CSGALNACT1: variants seen among roughly 807,000 people sequenced by gnomAD.
CSGALNACT1 encodes the protein chondroitin sulfate N-acetylgalactosaminyltransferase 1, also known as beta4GalNAcT-1.
Under a neutral mutation model 51.0 loss-of-function variants are expected in CSGALNACT1, and 52 were observed. That is an observed-to-expected ratio of 1.02 (90% CI 0.82 to 1.29). CSGALNACT1 has a LOEUF of 1.29. Among genes scored for constraint, CSGALNACT1 ranks in the 50% most tolerant of loss-of-function variants. CSGALNACT1 has a pLI of 0.00. For synonymous variants in CSGALNACT1, 341 were observed against 254.4 expected (o/e 1.34, Z -3.24); for missense variants, 935 against 679.2 (o/e 1.38, Z -4.19).
rs370739020 is a variant in CSGALNACT1, at chr8:19,651,247, T to C, written c.-544+31226A>G. ...GGGTAATAATACCTTTCCTGTTTTT[T>C]TTCATTTTCTATTTAATTTTCTCCA... On this transcript the variant is annotated intron_variant, in intron 1 of 9. Coordinates refer to the CSGALNACT1 transcript ENST00000332246. Among the ~76,000 whole-genome samples the C allele has an allele frequency of 1.4e-4, 22 of 152,284 alleles. 1 individual carries two copies. The highest frequency in any genetic ancestry group is 5.3e-4 in the African/African-American group (22 of 41,554).
chr8:19,583,428 T>C (rs1031632254), intron 3 of CSGALNACT1, among the ~76,000 whole-genome samples: 2 of 152,164 alleles, frequency 1.3e-5, no homozygotes, highest in Non-Finnish European at 2.9e-5. Flanking sequence ...TGGGAATGTC[T>C]TGAGAAGAAA....
chr8:19,495,413 A>T (rs1368217911), intron 4 of CSGALNACT1, among the ~76,000 whole-genome samples: 1 of 152,156 alleles, frequency 6.6e-6, no homozygotes, highest in Non-Finnish European at 1.5e-5. Context: ...TCTTTAACCC[A>T]TCGTATGCCT....
At chr8:19,589,480 C>T (rs1388936394) in intron 3 of CSGALNACT1, among the ~76,000 whole-genome samples, 3 of 152,130 alleles carry the variant, frequency 2.0e-5, no homozygotes, top group Admixed American at 2.0e-4. Context: ...AGTGCACCAC[C>T]ACATCTGGCT....
chr8:19,746,035 G>T (rs1200368518), intron 1 of CSGALNACT1, among the ~76,000 whole-genome samples: 1 of 152,112 alleles, frequency 6.6e-6, no homozygotes, highest in African/African-American at 2.4e-5. Context: ...TAATATCTGG[G>T]AGACCTGAGG....
intron 3 of CSGALNACT1, among the ~76,000 whole-genome samples, chr8:19,558,308 C>T (rs879845677): frequency 5.3e-5 from 8 of 152,130 alleles, no homozygotes; most frequent in Non-Finnish European, 1.0e-4. Flanking sequence ...GATTTGATTG[C>T]CAGTATCATG....
At chr8:19,656,472 C>T (rs2058282164) in intron 1 of CSGALNACT1, among the ~76,000 whole-genome samples, 1 of 151,910 alleles carries the variant, frequency 6.6e-6, no homozygotes, top group Non-Finnish European at 1.5e-5. Flanking sequence ...AACCCACCTT[C>T]GATCTTGACC....
chr8:19,534,609 A>G (rs2083398922), intron 3 of CSGALNACT1, among the ~76,000 whole-genome samples: 1 of 152,152 alleles, frequency 6.6e-6, no homozygotes, highest in Non-Finnish European at 1.5e-5. Flanking sequence ...GGGGCCAGGG[A>G]AAATTAAATG....
chr8:19,437,637 A>C (rs746329380), intron 6 of CSGALNACT1, among the ~76,000 whole-genome samples: 1 of 152,202 alleles, frequency 6.6e-6, no homozygotes, highest in Non-Finnish European at 1.5e-5. Flanking sequence ...TCCCTATGCA[A>C]CTAGTCAACC....
chr8:19,691,534 C>T (rs900274504), intron 1 of CSGALNACT1, among the ~76,000 whole-genome samples: 1 of 152,210 alleles, frequency 6.6e-6, no homozygotes, highest in Non-Finnish European at 1.5e-5. Context: ...AGGTGGTTAA[C>T]AGCCTGGCCC....
rs201999586 is a variant in CSGALNACT1, at chr8:19,504,612, A to C, written c.634+589T>G. ...ATGAGCCGTCATCTCACTAGTTTCC[A>C]TGTGCTCTGACAATCTGTATGATAT... is the stretch of plus-strand genomic sequence containing the variant. On this transcript the variant is annotated intron_variant, in intron 4 of 9. Transcript: ENST00000454498. Among the ~76,000 whole-genome samples the C allele has an allele frequency of 3.9e-5, 6 of 152,328 alleles. No individual in the cohort carries two copies. In the East Asian group the frequency reaches 9.6e-4, roughly 24 times the overall value.
At chr8:19,589,141 T>A (rs1262831622) in intron 3 of CSGALNACT1, among the ~76,000 whole-genome samples, 1 of 152,200 alleles carries the variant, frequency 6.6e-6, no homozygotes, top group Non-Finnish European at 1.5e-5. Flanking sequence ...TAGGGTGTTA[T>A]GATCCCTGAT....
rs1491250091 is a variant in CSGALNACT1, at chr8:19,667,002, A to AG, written c.-544+15470dup. On this transcript the variant is annotated intron_variant, in intron 1 of 9. Coordinates refer to the CSGALNACT1 transcript ENST00000332246. ...AAGAAAGAAAGAAAGAAAGAAAGAA[A>AG]GAAAGAAAGAAAGAAAGGAAGGAAG... 8.6e-3 allele frequency among the ~76,000 whole-genome samples: 232 copies of AG among 27,100 alleles called. 6 individuals carry two copies. The highest frequency in any genetic ancestry group is 0.02 in the African/African-American group (85 of 4,296). 17.8% of individuals were successfully genotyped at this position (27,100 alleles called of 152,430 possible). A position where few individuals can be genotyped will look rare whatever the true frequency, so the allele number is the denominator to read the frequency against.
At chr8:19,575,499 G>A (rs906503841) in intron 3 of CSGALNACT1, among the ~76,000 whole-genome samples, 12 of 152,174 alleles carry the variant, frequency 7.9e-5, no homozygotes, top group African/African-American at 1.9e-4. Flanking sequence ...GGAAGTAATC[G>A]TTAAGCAGGT....
intron 3 of CSGALNACT1, among the ~76,000 whole-genome samples, chr8:19,582,729 A>C (rs1051592852): frequency 6.6e-6 from 1 of 152,160 alleles, no homozygotes; most frequent in African/African-American, 2.4e-5. Context: ...AAAGGAAGCC[A>C]CCATAAAAAG....
chr8:19,496,843 G>T (rs114542117), intron 4 of CSGALNACT1, among the ~76,000 whole-genome samples: 1 of 152,128 alleles, frequency 6.6e-6, no homozygotes, highest in Non-Finnish European at 1.5e-5. Context: ...GCTTCCTTTC[G>T]CAAGCTCTTT....
At chr8:19,455,156 T>C (rs1424723442) in intron 5 of CSGALNACT1, among the ~76,000 whole-genome samples, 2 of 152,190 alleles carry the variant, frequency 1.3e-5, no homozygotes, top group Non-Finnish European at 2.9e-5. Flanking sequence ...CCTCGTGCTG[T>C]TCTACACTGC....
intron 3 of CSGALNACT1, among the ~76,000 whole-genome samples, chr8:19,535,991 A>C (rs1450415285): frequency 6.6e-6 from 1 of 152,186 alleles, no homozygotes; most frequent in Non-Finnish European, 1.5e-5. Flanking sequence ...CAAGTGAAGA[A>C]AAAGAAAAGG....
intron 3 of CSGALNACT1, among the ~76,000 whole-genome samples, chr8:19,570,239 A>T (rs1486663320): frequency 2.6e-5 from 4 of 152,212 alleles, no homozygotes; most frequent in African/African-American, 9.6e-5. Flanking sequence ...GGTAAGAAAC[A>T]AAAAGTGTTG....
chr8:19,681,535 T>C (rs1262893178), intron 1 of CSGALNACT1, among the ~76,000 whole-genome samples: 2 of 152,134 alleles, frequency 1.3e-5, no homozygotes, highest in African/African-American at 4.8e-5. Flanking sequence ...GTCTCCTGGG[T>C]CTGCATCAGG....
Sources: gnomAD v4.1 joint callset for allele counts (sites outside exome capture counted in the v4.1 genomes callset) on GRCh38, gnomAD v4.1.1 for gene constraint, MANE v1.5 for transcripts, NCBI Gene and HGNC (gene_info 2026-07-23, HGNC 2026-07-21) for gene names.